The following SORCS3 variants were observed in gnomAD, a reference collection of about 807,000 sequenced individuals.
SORCS3 encodes sortilin related VPS10 domain containing receptor 3, also known as VPS10 domain-containing receptor SorCS3.
SORCS3 carries 57 observed loss-of-function variants against 146.3 expected under a neutral mutation model. That is an observed-to-expected ratio of 0.39 (90% CI 0.31 to 0.49). The LOEUF is 0.49. SORCS3 is among the 20% of genes least tolerant of loss of function. The pLI is 0.92. For synonymous variants in SORCS3, 653 were observed against 618.5 expected (o/e 1.06, Z -0.83); for missense variants, 1,341 against 1,575.5 (o/e 0.85, Z 2.52).
intron 1 of SORCS3, among the ~76,000 whole-genome samples, chr10:104,647,266 G>A (rs1333030669): frequency 6.6e-6 from 1 of 152,088 alleles, no homozygotes; most frequent in Non-Finnish European, 1.5e-5. Context: ...TTCTGGCCAG[G>A]GCAGCGTCTT....
intron 5 of SORCS3, among the ~76,000 whole-genome samples, chr10:105,063,027 T>C (rs1479049028): frequency 6.6e-6 from 1 of 152,246 alleles, no homozygotes; most frequent in Admixed American, 6.5e-5. Flanking sequence ...CTTACTGTTG[T>C]ATGTCATTAA....
chr10:104,726,006 C>T (rs547556619), intron 1 of SORCS3, among the ~76,000 whole-genome samples: 86 of 152,348 alleles, frequency 5.6e-4, no homozygotes, highest in Middle Eastern at 3.4e-3. Flanking sequence ...CCGACACTCC[C>T]CAATGAGATG....
intron 10 of SORCS3, 21 bp downstream of exon 10, chr10:105,157,305 G>A: frequency 6.2e-7 from 1 of 1,612,900 alleles, no homozygotes; most frequent in Non-Finnish European, 8.5e-7. Flanking sequence ...CAGCCTCATG[G>A]GAAGTTCACA....
At chr10:104,664,197 C>G (rs1307215380) in intron 1 of SORCS3, among the ~76,000 whole-genome samples, 1 of 152,124 alleles carries the variant, frequency 6.6e-6, no homozygotes, top group Non-Finnish European at 1.5e-5. Context: ...GCAGCAGTTC[C>G]ATCTGTCTTT....
At chr10:104,840,708 T>G (rs1468201481) in intron 1 of SORCS3, among the ~76,000 whole-genome samples, 1 of 101,400 alleles carries the variant, frequency 9.9e-6, no homozygotes, top group Non-Finnish European at 2.0e-5. Flanking sequence ...GCTCTGCTAA[T>G]TAAGTGAAAC....
chr10:104,793,284 G>A (rs1469655750), intron 1 of SORCS3, among the ~76,000 whole-genome samples: 3 of 152,100 alleles, frequency 2.0e-5, no homozygotes, highest in African/African-American at 7.2e-5. Context: ...CCAGTAACCC[G>A]TGAACCTATA....
At chr10:104,842,922 A>G in intron 2 of SORCS3, 63 bp downstream of exon 2, 2 of 1,313,342 alleles carry the variant, frequency 1.5e-6, no homozygotes, top group Non-Finnish European at 2.2e-6. Flanking sequence ...AACGCAAGCT[A>G]AGCAGTTGGG....
chr10:104,708,451 A>T (rs1280808041), intron 1 of SORCS3, among the ~76,000 whole-genome samples: 1 of 152,184 alleles, frequency 6.6e-6, no homozygotes, highest in Non-Finnish European at 1.5e-5. Flanking sequence ...GAGGTTCCCT[A>T]TTCTTCCAGC....
intron 3 of SORCS3, among the ~76,000 whole-genome samples, chr10:104,943,262 T>C (rs1051494927): frequency 2.0e-5 from 3 of 152,142 alleles, no homozygotes; most frequent in Admixed American, 1.3e-4. Flanking sequence ...CCTGAGTAGC[T>C]GGGAGTACAG....
chr10:105,051,009 T>C (rs959389593), intron 5 of SORCS3, among the ~76,000 whole-genome samples: 2 of 152,188 alleles, frequency 1.3e-5, no homozygotes, highest in Non-Finnish European at 2.9e-5. Context: ...ATTTGACAGT[T>C]GATCAGCAAA....
At chr10:105,185,267 G>T (rs2056467892) in intron 14 of SORCS3, among the ~76,000 whole-genome samples, 1 of 152,010 alleles carries the variant, frequency 6.6e-6, no homozygotes, top group Non-Finnish European at 1.5e-5. Flanking sequence ...TCCTTTCATG[G>T]GGCTCACAGT....
At chr10:104,721,019 G>A (rs1025730862) in intron 1 of SORCS3, among the ~76,000 whole-genome samples, 1 of 152,138 alleles carries the variant, frequency 6.6e-6, no homozygotes, top group Non-Finnish European at 1.5e-5. Context: ...TGTTGCCATG[G>A]CTTTTGGTGT....
intron 1 of SORCS3, among the ~76,000 whole-genome samples, chr10:104,721,109 G>A (rs1045488685): frequency 2.0e-5 from 3 of 152,040 alleles, no homozygotes; most frequent in African/African-American, 7.2e-5. Context: ...GATGGTTTTC[G>A]GTCTAACATT....
At chr10:105,237,789 A>G (rs767579811) in intron 20 of SORCS3, among the ~76,000 whole-genome samples, 6 of 152,192 alleles carry the variant, frequency 3.9e-5, no homozygotes, top group African/African-American at 7.2e-5. Context: ...TTTTATTGTT[A>G]TCAGAACATC....
chr10:104,911,765 C>T (rs2018970922), intron 2 of SORCS3, among the ~76,000 whole-genome samples: 1 of 152,098 alleles, frequency 6.6e-6, no homozygotes, highest in Non-Finnish European at 1.5e-5. Context: ...CCTCTGAGCT[C>T]TTTTTTTAAC....
At position 104,656,776 on chromosome 10, in the gene SORCS3, A is replaced by G. The variant is rs117834782; in HGVS notation, c.627+14822A>G. 4.3e-4 allele frequency among the ~76,000 whole-genome samples: 65 copies of G among 152,336 alleles called. No homozygotes were observed. In the East Asian group the frequency reaches 0.011, roughly 26 times the overall value. ...TGTACATTAAAAAATCACTCTGATC[A>G]CCCTGTGGGTTAGAGGGAAAAAAGG... On this transcript the variant is annotated intron_variant, in intron 1 of 26. Coordinates refer to ENST00000369701, the MANE Select transcript of SORCS3 (RefSeq NM_014978.3).
chr10:105,062,085 C>T (rs746867808), intron 5 of SORCS3, among the ~76,000 whole-genome samples: 2 of 152,032 alleles, frequency 1.3e-5, no homozygotes, highest in Non-Finnish European at 2.9e-5. Flanking sequence ...TCCTAAGAGG[C>T]AAGATTAATT....
At chr10:104,704,282 C>T (rs112999993) in intron 1 of SORCS3, among the ~76,000 whole-genome samples, 3 of 152,186 alleles carry the variant, frequency 2.0e-5, no homozygotes, top group African/African-American at 4.8e-5. Flanking sequence ...ATCCTCCCAC[C>T]TCAGCTTACT....
intron 1 of SORCS3, among the ~76,000 whole-genome samples, chr10:104,796,209 G>C (rs1055209528): frequency 1.3e-5 from 2 of 152,232 alleles, no homozygotes; most frequent in African/African-American, 4.8e-5. Flanking sequence ...TTCCGGATTT[G>C]TGAAAGCCTG....
Sources: gnomAD v4.1 joint callset for allele counts (sites outside exome capture counted in the v4.1 genomes callset) on GRCh38, gnomAD v4.1.1 for gene constraint, MANE v1.5 for transcripts, NCBI Gene and HGNC (gene_info 2026-07-23, HGNC 2026-07-21) for gene names.